The following STK3 variants were observed in gnomAD, a reference collection of about 807,000 sequenced individuals.
STK3 encodes serine/threonine kinase 3.
STK3 carries 41 observed loss-of-function variants against 58.0 expected under a neutral mutation model. The ratio of observed to expected loss-of-function variants is 0.71; its 90% CI spans 0.55 to 0.92. STK3 has a LOEUF of 0.92. STK3 is among the 40% of genes least tolerant of loss of function. The pLI is 0.00. For synonymous variants in STK3, 170 were observed against 191.0 expected, an observed-to-expected ratio of 0.89 and a Z score of 0.91; for missense variants, 479 against 602.7, an observed-to-expected ratio of 0.79 and a Z score of 2.15.
chr8:98,707,109 T>A (rs766362278), intron 5 of STK3, 38 bp downstream of exon 5: 1 of 1,565,470 alleles, frequency 6.4e-7, no homozygotes, highest in Non-Finnish European at 8.6e-7. Context: ...TCTGAACAAA[T>A]TAGCCAAGTG....
intron 1 of STK3, among the ~76,000 whole-genome samples, chr8:98,790,271 C>A (rs1832727098): frequency 6.6e-6 from 1 of 152,078 alleles, no homozygotes; most frequent in African/African-American, 2.4e-5. Context: ...AAGTTAAAAT[C>A]CTTAACAAAA....
chr8:98,716,840 C>T (rs920730362), intron 4 of STK3, among the ~76,000 whole-genome samples: 1 of 151,968 alleles, frequency 6.6e-6, no homozygotes, highest in African/African-American at 2.4e-5. Context: ...ATGGGAGGAA[C>T]AGAGTAGAAA....
intron 3 of STK3, among the ~76,000 whole-genome samples, chr8:98,874,685 G>A (rs935974803): frequency 2.0e-5 from 3 of 151,908 alleles, no homozygotes; most frequent in African/African-American, 7.3e-5. Flanking sequence ...GGAGGGTAGT[G>A]GTGAGATCAT....
chr8:98,727,119 T>C (rs1303052759), intron 4 of STK3, among the ~76,000 whole-genome samples: 4 of 152,312 alleles, frequency 2.6e-5, no homozygotes, highest in Admixed American at 2.6e-4. Flanking sequence ...GGTAGTCAAG[T>C]CTACCCTAGC....
chr8:98,845,185 G>A (rs561092342), intron 3 of STK3, among the ~76,000 whole-genome samples: 9 of 152,174 alleles, frequency 5.9e-5, no homozygotes, highest in Admixed American at 2.6e-4. Flanking sequence ...TAGCTATACC[G>A]ACTTATTTTT....
chr8:98,691,192 T>A (rs1429651506), intron 6 of STK3, among the ~76,000 whole-genome samples: 1 of 152,160 alleles, frequency 6.6e-6, no homozygotes, highest in African/African-American at 2.4e-5. Context: ...AACCTGCACA[T>A]GTACCCTAAA....
At chr8:98,917,610 C>T (rs1172442221) in intron 1 of STK3, among the ~76,000 whole-genome samples, 1 of 152,120 alleles carries the variant, frequency 6.6e-6, no homozygotes, top group African/African-American at 2.4e-5. Flanking sequence ...AGAAAGAGGC[C>T]CTCATCAGAC....
At position 98,649,048 on chromosome 8, in the gene STK3, C is replaced by G. The variant is rs372804985; in HGVS notation, c.685-52879G>C. Reference sequence around the variant, plus strand: ...TCCAGCCTGGGCAACAAGAGCAAGACTCTGTCTCAAAAAAAAAAAAAAAAA... The same window carrying G: ...TCCAGCCTGGGCAACAAGAGCAAGAGTCTGTCTCAAAAAAAAAAAAAAAAA... On this transcript the variant is annotated intron_variant, in intron 6 of 10. Transcript: ENST00000419617. 5.0e-4 allele frequency among the ~76,000 whole-genome samples: 75 copies of G among 149,642 alleles called. 1 individual carries two copies. Among genetic ancestry groups the G allele is most frequent in the African/African-American group, 1.7e-3 (69 of 40,730 alleles).
At chr8:98,644,563 A>G (rs956651082) in intron 6 of STK3, among the ~76,000 whole-genome samples, 1 of 152,156 alleles carries the variant, frequency 6.6e-6, no homozygotes, top group Admixed American at 6.5e-5. Context: ...AATGCAACAG[A>G]AATTATAATC....
At chr8:98,893,005 C>G (rs542392720) in intron 1 of STK3, among the ~76,000 whole-genome samples, 1 of 152,134 alleles carries the variant, frequency 6.6e-6, no homozygotes, top group South Asian at 2.1e-4. Context: ...AGTATAAAGG[C>G]AATGGTTAGC....
downstream of STK3, among the ~76,000 whole-genome samples, chr8:98,451,508 TAA>T (rs769706787): frequency 1.5e-4 from 23 of 152,320 alleles, no homozygotes; most frequent in East Asian, 4.2e-3. Flanking sequence ...TAAAAAATCC[TAA>T]TTTTTATTTA....
chr8:98,682,577 T>C (rs1823716334), intron 6 of STK3, among the ~76,000 whole-genome samples: 1 of 152,156 alleles, frequency 6.6e-6, no homozygotes, highest in African/African-American at 2.4e-5. Context: ...ATAAAGATGG[T>C]TCTATTCATG....
rs117839431 is a variant in STK3, at chr8:98,611,530, T to C, written c.685-15361A>G. Among the ~76,000 whole-genome samples, 760 of 152,252 alleles carry C rather than the reference T, an allele frequency of 5.0e-3. 6 individuals are homozygous for C. Among genetic ancestry groups the C allele is most frequent in the Non-Finnish European group, 7.8e-3 (528 of 68,012 alleles). ...GGCTTAATCTACAGCCTTGGCCAAA[T>C]ATGATTGCCAGATAAATAAACCCTT... On this transcript the variant is annotated intron_variant, in intron 6 of 10. Coordinates refer to ENST00000419617, the MANE Select transcript of STK3 (RefSeq NM_006281.4).
intron 1 of STK3, among the ~76,000 whole-genome samples, chr8:98,815,774 T>C (rs1321633476): frequency 6.6e-6 from 1 of 152,206 alleles, no homozygotes; most frequent in Non-Finnish European, 1.5e-5. Context: ...ATCCTGTCTT[T>C]CCTTTATCAA....
chr8:98,546,170 C>A (rs1810683454), intron 9 of STK3, among the ~76,000 whole-genome samples: 1 of 152,148 alleles, frequency 6.6e-6, no homozygotes, highest in African/African-American at 2.4e-5. Context: ...ACTAAAATCT[C>A]TGTGACAAAA....
chr8:98,640,399 A>G (rs772311255), intron 6 of STK3, among the ~76,000 whole-genome samples: 10 of 152,154 alleles, frequency 6.6e-5, no homozygotes, highest in Non-Finnish European at 1.2e-4. Flanking sequence ...TTGTGGCAAA[A>G]CTTCAAGGAA....
chr8:98,733,534 T>C (rs568385049), intron 4 of STK3, among the ~76,000 whole-genome samples: 1 of 152,224 alleles, frequency 6.6e-6, no homozygotes, highest in Non-Finnish European at 1.5e-5. Context: ...CCTGAAACTA[T>C]CACCCCCATC....
intron 4 of STK3, among the ~76,000 whole-genome samples, chr8:98,719,650 G>A (rs1406034351): frequency 6.6e-6 from 1 of 152,130 alleles, no homozygotes; most frequent in African/African-American, 2.4e-5. Context: ...TCATGTAGAG[G>A]CAATCTTCAC....
chr8:98,733,363 A>G (rs1249898137), intron 4 of STK3, among the ~76,000 whole-genome samples: 1 of 152,202 alleles, frequency 6.6e-6, no homozygotes, highest in African/African-American at 2.4e-5. Context: ...CGGGTGGGCA[A>G]GCATTACTGC....
Sources: gnomAD v4.1 joint callset for allele counts (sites outside exome capture counted in the v4.1 genomes callset) on GRCh38, gnomAD v4.1.1 for gene constraint, MANE v1.5 for transcripts, NCBI Gene and HGNC (gene_info 2026-07-23, HGNC 2026-07-21) for gene names.